IPO11: variants seen among roughly 807,000 people sequenced by gnomAD.
The protein encoded by IPO11 is importin-11.
A neutral mutation model predicts 143.2 loss-of-function variants in IPO11; 66 were observed. The ratio of observed to expected loss-of-function variants is 0.46; its 90% CI spans 0.38 to 0.57. The LOEUF is 0.57. Ranked by LOEUF, IPO11 falls within the 20% of genes least tolerant of loss-of-function variation. The pLI is 0.00. For missense variants in IPO11, 1,026 were observed against 1,141.0 expected (o/e 0.90, Z 1.45); for synonymous variants, 385 against 377.8 (o/e 1.02, Z -0.22).
intron 27 of IPO11, chr5:62,579,638 T>A: frequency 6.5e-7 from 1 of 1,549,666 alleles, no homozygotes; most frequent in Non-Finnish European, 8.7e-7. Context: ...TTTCTGTATC[T>A]GACTGGGAAT....
intron 19 of IPO11, among the ~76,000 whole-genome samples, chr5:62,513,213 G>A (rs866649973): frequency 2.6e-5 from 4 of 151,918 alleles, no homozygotes; most frequent in Non-Finnish European, 4.4e-5. Context: ...CAGGCGGGGC[G>A]CTGACCCCCC....
chr5:62,441,987 A>C (rs1744499686), intron 2 of IPO11, among the ~76,000 whole-genome samples: 1 of 151,112 alleles, frequency 6.6e-6, no homozygotes, highest in Non-Finnish European at 1.5e-5. Flanking sequence ...CTGGTATTAC[A>C]GGCATGCGCC....
intron 1 of IPO11, among the ~76,000 whole-genome samples, chr5:62,427,182 C>A (rs1162489473): frequency 6.6e-6 from 1 of 151,770 alleles, no homozygotes; most frequent in East Asian, 1.9e-4. Context: ...TCAGGTGATC[C>A]ACCTGCCTCG....
intron 28 of IPO11, among the ~76,000 whole-genome samples, chr5:62,601,507 C>T (rs915282776): frequency 6.6e-6 from 1 of 152,010 alleles, no homozygotes; most frequent in Non-Finnish European, 1.5e-5. Flanking sequence ...TCAGAAGTGG[C>T]GTATAAATAA....
intron 16 of IPO11, among the ~76,000 whole-genome samples, chr5:62,502,497 T>G: frequency 6.6e-6 from 1 of 152,244 alleles, no homozygotes; most frequent in Non-Finnish European, 1.5e-5. Flanking sequence ...TTAACTTTCC[T>G]TAAAAGTCTG....
chr5:62,607,601 A>G (rs574622592), intron 29 of IPO11, among the ~76,000 whole-genome samples: 3 of 152,324 alleles, frequency 2.0e-5, no homozygotes, highest in South Asian at 4.1e-4. Context: ...ATTCATCATC[A>G]TATTGGTGGC....
At chr5:62,426,523 A>C (rs530228946) in intron 1 of IPO11, among the ~76,000 whole-genome samples, 17 of 152,212 alleles carry the variant, frequency 1.1e-4, no homozygotes, top group Non-Finnish European at 7.3e-5. Flanking sequence ...TTAACAAGAG[A>C]AATACGTAAT....
chr5:62,522,500 G>A (rs1742237241), intron 20 of IPO11, among the ~76,000 whole-genome samples: 1 of 152,166 alleles, frequency 6.6e-6, no homozygotes, highest in African/African-American at 2.4e-5. Context: ...GGCCGGGCTA[G>A]TCTCAAACTC....
At chr5:62,533,563 AT>A (rs1742631094) in intron 22 of IPO11, among the ~76,000 whole-genome samples, 1 of 152,164 alleles carries the variant, frequency 6.6e-6, no homozygotes, top group Non-Finnish European at 1.5e-5. Flanking sequence ...CAACCAGAAT[AT>A]TTAATCTTTT....
intron 28 of IPO11, among the ~76,000 whole-genome samples, chr5:62,598,565 T>TTTTTTTGAG (rs770605911): frequency 4.9e-5 from 2 of 40,950 alleles, no homozygotes; most frequent in Non-Finnish European, 8.9e-5. Context: ...TTTTTTTTTT[T>TTTTTTTGAG]ATGGAGTCTT....
At chr5:62,579,293 A>G (rs1337800955) in intron 27 of IPO11, 3 of 738,576 alleles carry the variant, frequency 4.1e-6, no homozygotes, top group Non-Finnish European at 7.0e-6. Context: ...TTATGATAGT[A>G]TTATTGGCTG....
intron 28 of IPO11, among the ~76,000 whole-genome samples, chr5:62,596,379 C>T (rs1223651184): frequency 6.6e-6 from 1 of 151,104 alleles, no homozygotes; most frequent in Non-Finnish European, 1.5e-5. Context: ...ACAAAACATA[C>T]CAAGTATAAA....
intron 27 of IPO11, among the ~76,000 whole-genome samples, chr5:62,570,807 A>T (rs1015589101): frequency 6.6e-6 from 1 of 152,238 alleles, no homozygotes; most frequent in African/African-American, 2.4e-5. Flanking sequence ...GCGCTTAGCT[A>T]ATCACTGACC....
chr5:62,467,102 T>C (rs749230259), intron 5 of IPO11, 29 bp from the exon 6 acceptor site: 1 of 1,592,082 alleles, frequency 6.3e-7, no homozygotes, highest in African/African-American at 1.4e-5. Context: ...TAATACACTA[T>C]GAATAAATTT....
chr5:62,427,809 C>T (rs1743812982), intron 1 of IPO11, among the ~76,000 whole-genome samples: 1 of 152,138 alleles, frequency 6.6e-6, no homozygotes, highest in South Asian at 2.1e-4. Flanking sequence ...GTCCCTGGTA[C>T]CAAAAAGGTT....
intron 29 of IPO11, among the ~76,000 whole-genome samples, chr5:62,609,087 C>T (rs544995837): frequency 6.6e-6 from 1 of 152,138 alleles, no homozygotes; most frequent in African/African-American, 2.4e-5. Context: ...TGCTGGCTCA[C>T]CATGTTGGTG....
intron 9 of IPO11, among the ~76,000 whole-genome samples, chr5:62,480,548 G>T (rs187206158): frequency 2.0e-5 from 3 of 152,076 alleles, no homozygotes; most frequent in Non-Finnish European, 2.9e-5. Flanking sequence ...CCATTTTCAC[G>T]ATATTGATTC....
chr5:62,416,594 G>A (rs529489976), intron 1 of IPO11, among the ~76,000 whole-genome samples: 18 of 152,132 alleles, frequency 1.2e-4, no homozygotes, highest in African/African-American at 4.1e-4. Context: ...CTGAGGGTTC[G>A]GGGGTTAGGG....
chr5:62,548,060 A>T (rs1743266971), intron 24 of IPO11, among the ~76,000 whole-genome samples: 1 of 152,040 alleles, frequency 6.6e-6, no homozygotes, highest in Non-Finnish European at 1.5e-5. Flanking sequence ...TGTTAATTGT[A>T]GGCAGTATGT....
Sources: allele counts gnomAD v4.1 joint callset (sites outside exome capture counted in the v4.1 genomes callset), GRCh38; gene constraint gnomAD v4.1.1; transcripts MANE v1.5; gene names NCBI Gene and HGNC (gene_info 2026-07-23, HGNC 2026-07-21).